The following APOLD1 variants were observed in gnomAD, a reference collection of about 807,000 sequenced individuals.
The protein encoded by APOLD1 is apolipoprotein L domain containing 1.
In APOLD1, 22 loss-of-function variants were observed where a neutral mutation model predicts 15.3. That is an observed-to-expected ratio of 1.44 (90% confidence interval 1.03 to 2.05). The LOEUF is 2.05. Among genes scored for constraint, APOLD1 ranks in the 30% most tolerant of loss-of-function variants. The pLI, the probability that APOLD1 is intolerant of heterozygous loss-of-function variation, is 0.00. For missense variants in APOLD1, 394 were observed against 353.5 expected (o/e 1.11, Z -0.92); for synonymous variants, 190 against 167.4 (o/e 1.13, Z -1.04).
intron 1 of APOLD1, among the ~76,000 whole-genome samples, chr12:12,733,668 T>C (rs1428233895): frequency 1.3e-5 from 2 of 152,240 alleles, no homozygotes. Context: ...AGTGGCACGA[T>C]CTCGGCTCAC....
intron 1 of APOLD1, among the ~76,000 whole-genome samples, chr12:12,759,113 C>T (rs1272618009): frequency 1.3e-5 from 2 of 152,118 alleles, no homozygotes; most frequent in East Asian, 1.9e-4. Flanking sequence ...GATTTCATCA[C>T]GCTACTCAAA....
chr12:12,764,416 G>A (rs933275677), intron 1 of APOLD1, among the ~76,000 whole-genome samples: 4 of 152,218 alleles, frequency 2.6e-5, no homozygotes, highest in Non-Finnish European at 1.5e-5. Flanking sequence ...AAGTTGCATA[G>A]CAATATATAA....
intron 1 of APOLD1, among the ~76,000 whole-genome samples, chr12:12,747,281 C>A (rs1396375199): frequency 6.6e-6 from 1 of 152,144 alleles, no homozygotes; most frequent in African/African-American, 2.4e-5. Flanking sequence ...TAGCCCACGT[C>A]TCTTACTAGT....
rs189300537 is a variant in APOLD1, at chr12:12,761,877, C to G, written c.97-25032C>G. ...GAGAGAGAGAGTCTTGCTCTGTCAC[C>G]CAGGCCTAAGTGCAGTGGTGTGATC... On this transcript the variant is annotated intron_variant, in intron 1 of 1. Coordinates refer to the APOLD1 transcript ENST00000326765. Among the ~76,000 whole-genome samples, 5 of 75,980 alleles carry G rather than the reference C, an allele frequency of 6.6e-5. No individual in the cohort carries two copies. In the East Asian group the frequency reaches 2.4e-3, roughly 36 times the overall value. 49.8% of individuals were successfully genotyped at this position (75,980 alleles called of 152,430 possible).
chr12:12,730,300 G>A (rs1378106951), intron 1 of APOLD1, among the ~76,000 whole-genome samples: 1 of 152,162 alleles, frequency 6.6e-6, no homozygotes, highest in Non-Finnish European at 1.5e-5. Context: ...AGATGCTGTA[G>A]TGGTTCAATT....
intron 1 of APOLD1, among the ~76,000 whole-genome samples, chr12:12,732,751 GAAAAAA>G (rs1448657779): frequency 2.7e-5 from 4 of 145,900 alleles, no homozygotes; most frequent in Non-Finnish European, 6.0e-5. Flanking sequence ...AAAAAGAAAA[GAAAAAA>G]GAAAAAGAAA....
chr12:12,751,625 A>ACTG (rs3080831), intron 1 of APOLD1, among the ~76,000 whole-genome samples: 2 of 152,062 alleles, frequency 1.3e-5, no homozygotes, highest in East Asian at 3.9e-4. Context: ...TGCTAGGACT[A>ACTG]TAGGCGTGAG....
At chr12:12,732,689 C>G (rs1946649172) in intron 1 of APOLD1, among the ~76,000 whole-genome samples, 1 of 145,930 alleles carries the variant, frequency 6.9e-6, no homozygotes, top group Non-Finnish European at 1.5e-5. Flanking sequence ...TACACTACTG[C>G]ACTCCACTCC....
chr12:12,738,844 T>C (rs939974260), intron 1 of APOLD1, among the ~76,000 whole-genome samples: 1 of 152,186 alleles, frequency 6.6e-6, no homozygotes, highest in African/African-American at 2.4e-5. Context: ...GGATAGAAGG[T>C]GCATTGTGGA....
chr12:12,742,160 C>G (rs990189959), intron 1 of APOLD1, among the ~76,000 whole-genome samples: 3 of 152,188 alleles, frequency 2.0e-5, no homozygotes, highest in Non-Finnish European at 4.4e-5. Context: ...TTCTACTTCT[C>G]TGCACCTTAG....
chr12:12,773,599 A>C (rs1223143752), intron 1 of APOLD1, among the ~76,000 whole-genome samples: 1 of 152,216 alleles, frequency 6.6e-6, no homozygotes. Flanking sequence ...TATAAAAATC[A>C]GAGGAGAAAT....
intron 1 of APOLD1, among the ~76,000 whole-genome samples, chr12:12,777,547 T>C (rs1947045705): frequency 6.6e-6 from 1 of 152,206 alleles, no homozygotes; most frequent in Admixed American, 6.5e-5. Flanking sequence ...TAGAAGTGAT[T>C]TGGATTTCAA....
chr12:12,754,152 G>A (rs1378557561), intron 1 of APOLD1, among the ~76,000 whole-genome samples: 8 of 137,652 alleles, frequency 5.8e-5, no homozygotes, highest in Admixed American at 4.1e-4. Flanking sequence ...GCAGTGAGCC[G>A]AGATTGTGCC....
At chr12:12,730,178 T>G (rs1309605681) in intron 1 of APOLD1, among the ~76,000 whole-genome samples, 1 of 151,534 alleles carries the variant, frequency 6.6e-6, no homozygotes, top group Non-Finnish European at 1.5e-5. Flanking sequence ...CCTCCCAAAG[T>G]GCTGAAATTA....
upstream of APOLD1, chr12:12,785,496 T>C: frequency 1.3e-6 from 1 of 751,612 alleles, no homozygotes; most frequent in Non-Finnish European, 2.2e-6. Context: ...AAATACGGGA[T>C]GTGCTGTGCT....
intron 1 of APOLD1, among the ~76,000 whole-genome samples, chr12:12,729,802 G>A (rs1022704324): frequency 3.3e-5 from 5 of 151,454 alleles, no homozygotes; most frequent in Admixed American, 6.6e-5. Flanking sequence ...AATTTAAAAA[G>A]CAATGGTTTA....
intron 1 of APOLD1, among the ~76,000 whole-genome samples, chr12:12,760,010 A>G (rs1487975164): frequency 6.6e-6 from 1 of 152,256 alleles, no homozygotes; most frequent in Non-Finnish European, 1.5e-5. Context: ...GAAAAAAATT[A>G]AGACAAGCAA....
At chr12:12,783,794 C>A (rs577473078), upstream of APOLD1, among the ~76,000 whole-genome samples, 1 of 151,246 alleles carries the variant, frequency 6.6e-6, no homozygotes, top group Non-Finnish European at 1.5e-5. Flanking sequence ...TCACTATGCC[C>A]GGCCAATTTT....
At chr12:12,744,946 A>G (rs1265246133) in intron 1 of APOLD1, among the ~76,000 whole-genome samples, 1 of 152,116 alleles carries the variant, frequency 6.6e-6, no homozygotes, top group Admixed American at 6.5e-5. Context: ...ACTTGTGCCT[A>G]CCTGGATCCC....
Sources: gnomAD v4.1 joint callset for allele counts (sites outside exome capture counted in the v4.1 genomes callset) on GRCh38, gnomAD v4.1.1 for gene constraint, MANE v1.5 for transcripts, NCBI Gene and HGNC (gene_info 2026-07-23, HGNC 2026-07-21) for gene names.